The following SNTG1 variants were observed in gnomAD, a reference collection of about 807,000 sequenced individuals.
The protein encoded by SNTG1 is gamma-1-syntrophin.
SNTG1 carries 39 observed loss-of-function variants against 74.7 expected under a neutral mutation model. The observed-to-expected ratio is 0.52, with a 90% CI of 0.40 to 0.68. The LOEUF (loss-of-function observed/expected upper bound fraction) is 0.68. SNTG1 is among the 30% of genes least tolerant of loss of function. The pLI, the probability that SNTG1 is intolerant of heterozygous loss-of-function variation, is 0.00. For missense variants in SNTG1, 685 were observed against 609.5 expected (o/e 1.12, Z -1.30); for synonymous variants, 254 against 217.1 (o/e 1.17, Z -1.49).
chr8:50,327,057 T>C (rs1444019940), intron 2 of SNTG1, among the ~76,000 whole-genome samples: 4 of 152,146 alleles, frequency 2.6e-5, no homozygotes, highest in East Asian at 1.9e-4. Flanking sequence ...TGAGAGCATA[T>C]ATTGTATGAT....
chr8:50,186,453 T>C (rs188364883), intron 2 of SNTG1, among the ~76,000 whole-genome samples: 56 of 152,250 alleles, frequency 3.7e-4, no homozygotes, highest in African/African-American at 1.3e-3. Flanking sequence ...AGGAACACTG[T>C]CTTCCACAAT....
chr8:50,108,374 G>T (rs1036495090), intron 1 of SNTG1, among the ~76,000 whole-genome samples: 4 of 152,124 alleles, frequency 2.6e-5, no homozygotes, highest in African/African-American at 9.7e-5. Flanking sequence ...GCAGGTCAAA[G>T]GTTGATGTTG....
At chr8:50,055,478 C>T (rs377753833) in intron 1 of SNTG1, among the ~76,000 whole-genome samples, 5 of 152,160 alleles carry the variant, frequency 3.3e-5, no homozygotes, top group South Asian at 2.1e-4. Context: ...TTGAAGAAGT[C>T]CCTCTCATGA....
chr8:50,051,151 C>T (rs1228947782), intron 1 of SNTG1, among the ~76,000 whole-genome samples: 3 of 150,688 alleles, frequency 2.0e-5, no homozygotes, highest in East Asian at 3.9e-4. Flanking sequence ...CAGGTTAGTA[C>T]GGCAAGAAAA....
chr8:50,526,805 G>A (rs1164032513), intron 9 of SNTG1, among the ~76,000 whole-genome samples: 3 of 151,962 alleles, frequency 2.0e-5, no homozygotes, highest in Non-Finnish European at 2.9e-5. Context: ...TGTATTTTTA[G>A]TGGAGACTGG....
At chr8:50,224,218 T>G (rs138876150) in intron 2 of SNTG1, among the ~76,000 whole-genome samples, 2 of 152,310 alleles carry the variant, frequency 1.3e-5, no homozygotes, top group African/African-American at 4.8e-5. Context: ...AATATTACTA[T>G]GCTAAAGATA....
chr8:49,959,437 G>T (rs1810483562), intron 1 of SNTG1, among the ~76,000 whole-genome samples: 1 of 152,146 alleles, frequency 6.6e-6, no homozygotes, highest in South Asian at 2.1e-4. Flanking sequence ...TAGCACGCTA[G>T]CAGTCACTCC....
rs1481827523 is a variant in SNTG1, at chr8:50,250,503, C to T, written c.-28+77868C>T. ...GATTTTTAACCCAAAAATATTCTTT[C>T]CAAAGCACATTATAATCAAAATGTC... is the stretch of plus-strand genomic sequence containing the variant. On this transcript the variant is annotated intron_variant, in intron 2 of 18. Coordinates refer to ENST00000642720, the MANE Select transcript of SNTG1 (RefSeq NM_018967.5). Among the ~76,000 whole-genome samples the T allele has an allele frequency of 4.6e-5, 7 of 152,022 alleles. 1 individual carries two copies. Among genetic ancestry groups the T allele is most frequent in the Non-Finnish European group, 1.0e-4 (7 of 67,970 alleles).
intron 1 of SNTG1, among the ~76,000 whole-genome samples, chr8:49,958,665 C>T (rs151050872): frequency 0.011 from 1,745 of 152,236 alleles, 28 homozygotes; most frequent in African/African-American, 0.037. Context: ...GTGATCCACC[C>T]GCCTTGGCCT....
intron 18 of SNTG1, among the ~76,000 whole-genome samples, chr8:50,764,967 A>G (rs182191495): frequency 7.9e-4 from 120 of 152,134 alleles, no homozygotes; most frequent in African/African-American, 1.5e-3. Flanking sequence ...GAAGGACATT[A>G]TATCATAGAA....
intron 1 of SNTG1, chr8:50,163,998 T>C (rs974099649): frequency 3.3e-5 from 5 of 152,150 alleles, no homozygotes; most frequent in Admixed American, 2.6e-4. Context: ...ATCTATGGGT[T>C]TGATCTACCT....
At chr8:50,504,341 A>G (rs1376356063) in intron 9 of SNTG1, among the ~76,000 whole-genome samples, 1 of 152,200 alleles carries the variant, frequency 6.6e-6, no homozygotes, top group South Asian at 2.1e-4. Flanking sequence ...AATGATTTAT[A>G]TGTATTGGGT....
intron 1 of SNTG1, among the ~76,000 whole-genome samples, chr8:50,078,864 C>T (rs536675995): frequency 1.3e-5 from 2 of 152,328 alleles, no homozygotes; most frequent in South Asian, 4.1e-4. Flanking sequence ...TTTCCAGCTT[C>T]TTCCATGTCC....
intron 1 of SNTG1, among the ~76,000 whole-genome samples, chr8:49,956,409 G>C (rs1451881026): frequency 1.3e-5 from 2 of 152,144 alleles, no homozygotes; most frequent in Non-Finnish European, 2.9e-5. Flanking sequence ...TTATACAGTG[G>C]TTCTAGCATA....
At chr8:50,759,751 T>C (rs974751658) in intron 18 of SNTG1, among the ~76,000 whole-genome samples, 43 of 152,210 alleles carry the variant, frequency 2.8e-4, no homozygotes, top group African/African-American at 1.0e-3. Flanking sequence ...ACTGTAGCCT[T>C]GTAGTATAGT....
intron 1 of SNTG1, among the ~76,000 whole-genome samples, chr8:49,967,348 G>A (rs956157073): frequency 6.6e-6 from 1 of 152,108 alleles, no homozygotes; most frequent in African/African-American, 2.4e-5. Flanking sequence ...TGTCACATGT[G>A]ACACAGCCAT....
intron 13 of SNTG1, among the ~76,000 whole-genome samples, chr8:50,612,377 C>T (rs952520369): frequency 6.6e-5 from 10 of 152,134 alleles, no homozygotes; most frequent in Non-Finnish European, 1.3e-4. Context: ...AATGTACTCA[C>T]TTGTGTTACT....
intron 9 of SNTG1, among the ~76,000 whole-genome samples, chr8:50,523,693 C>G (rs961178018): frequency 2.0e-5 from 3 of 152,118 alleles, no homozygotes; most frequent in Non-Finnish European, 4.4e-5. Context: ...GATGACAGAT[C>G]ACCATACCAC....
intron 13 of SNTG1, among the ~76,000 whole-genome samples, chr8:50,656,585 A>G (rs1307089899): frequency 6.6e-6 from 1 of 152,176 alleles, no homozygotes; most frequent in Non-Finnish European, 1.5e-5. Context: ...GCATCAATGA[A>G]TTCTATTATA....
Sources: allele counts gnomAD v4.1 joint callset (sites outside exome capture counted in the v4.1 genomes callset), GRCh38; gene constraint gnomAD v4.1.1; transcripts MANE v1.5; gene names NCBI Gene and HGNC (gene_info 2026-07-23, HGNC 2026-07-21).